The following PIP4K2A variants were observed in gnomAD, a reference collection of about 807,000 sequenced individuals.
PIP4K2A encodes phosphatidylinositol-5-phosphate 4-kinase type 2 alpha, also known as phosphatidylinositol 5-phosphate 4-kinase type-2 alpha.
In PIP4K2A, 14 loss-of-function variants were observed where a neutral mutation model predicts 42.9. The ratio of observed to expected loss-of-function variants is 0.33; its 90% CI spans 0.22 to 0.51. The LOEUF (loss-of-function observed/expected upper bound fraction) is 0.51. Among genes scored for constraint, PIP4K2A ranks in the 20% least tolerant of loss-of-function variants. PIP4K2A has a pLI of 0.97. For missense variants in PIP4K2A, 434 were observed against 519.8 expected, an observed-to-expected ratio of 0.83 and a Z score of 1.61; for synonymous variants, 192 against 192.2, an observed-to-expected ratio of 1.00 and a Z score of 0.01.
intron 1 of PIP4K2A, among the ~76,000 whole-genome samples, chr10:22,622,462 T>C (rs1490632660): frequency 6.6e-6 from 1 of 152,232 alleles, no homozygotes; most frequent in Non-Finnish European, 1.5e-5. Context: ...CCAGTTACCA[T>C]CTGTGCTCTG....
intron 1 of PIP4K2A, among the ~76,000 whole-genome samples, chr10:22,642,515 T>C (rs1564452926): frequency 1.3e-5 from 2 of 152,010 alleles, no homozygotes; most frequent in Non-Finnish European, 2.9e-5. Flanking sequence ...TATATATTCT[T>C]AAATTAGGAG....
intron 1 of PIP4K2A, among the ~76,000 whole-genome samples, chr10:22,682,780 A>G (rs755044682): frequency 1.8e-4 from 27 of 152,220 alleles, no homozygotes; most frequent in Admixed American, 3.3e-4. Flanking sequence ...AGGGAGAACT[A>G]GAACCTGAGG....
At position 22,667,525 on chromosome 10, in the gene PIP4K2A, C is replaced by T. The variant is rs79091184; in HGVS notation, c.144+46658G>A. Among the ~76,000 whole-genome samples, 324 of 152,190 alleles carry T rather than the reference C, an allele frequency of 2.1e-3. 4 individuals carry two copies. The highest frequency in any genetic ancestry group is 7.4e-3 in the African/African-American group (309 of 41,526). On this transcript the variant is annotated intron_variant, in intron 1 of 9. Transcript: ENST00000376573. Reference sequence around the variant, plus strand: ...ACTCATTCTTCAACAAACTGAAGATCACTTATAAAATCGATAATCGTAAAA... The same window carrying T: ...ACTCATTCTTCAACAAACTGAAGATTACTTATAAAATCGATAATCGTAAAA...
At chr10:22,679,413 A>G (rs961007672) in intron 1 of PIP4K2A, among the ~76,000 whole-genome samples, 4 of 152,240 alleles carry the variant, frequency 2.6e-5, no homozygotes, top group Non-Finnish European at 5.9e-5. Context: ...AGGACAGACA[A>G]TATCAAGTAT....
At chr10:22,700,017 C>A (rs1179485917) in intron 1 of PIP4K2A, among the ~76,000 whole-genome samples, 1 of 152,186 alleles carries the variant, frequency 6.6e-6, no homozygotes, top group African/African-American at 2.4e-5. Context: ...CTAAGTTACA[C>A]AGACTAGGAG....
intron 1 of PIP4K2A, among the ~76,000 whole-genome samples, chr10:22,642,236 C>T (rs1838796302): frequency 6.6e-6 from 1 of 152,180 alleles, no homozygotes; most frequent in African/African-American, 2.4e-5. Context: ...TCTCTTTCTG[C>T]TTAGTCTGAA....
intron 1 of PIP4K2A, among the ~76,000 whole-genome samples, chr10:22,694,965 T>C (rs1278568448): frequency 1.3e-5 from 2 of 152,220 alleles, no homozygotes; most frequent in Admixed American, 1.3e-4. Flanking sequence ...AATCACCAGT[T>C]AGAAAGCACA....
At chr10:22,613,032 A>G (rs114878671) in intron 1 of PIP4K2A, among the ~76,000 whole-genome samples, 2,400 of 152,262 alleles carry the variant, frequency 0.016, 62 homozygotes, top group African/African-American at 0.055. Flanking sequence ...AGGATGAGAA[A>G]GGGGAAAACT....
intron 1 of PIP4K2A, among the ~76,000 whole-genome samples, chr10:22,643,597 C>A (rs910071221): frequency 6.6e-6 from 1 of 152,140 alleles, no homozygotes; most frequent in African/African-American, 2.4e-5. Context: ...GCCCCCAAAT[C>A]CCTCCATGGG....
chr10:22,557,302 C>G (rs1268278748), intron 6 of PIP4K2A, among the ~76,000 whole-genome samples: 2 of 152,164 alleles, frequency 1.3e-5, no homozygotes, highest in Admixed American at 1.3e-4. Flanking sequence ...CTTCCCAGAA[C>G]TGATAAAAAG....
intron 1 of PIP4K2A, among the ~76,000 whole-genome samples, chr10:22,664,762 A>G (rs1289465687): frequency 6.6e-6 from 1 of 152,182 alleles, no homozygotes; most frequent in African/African-American, 2.4e-5. Context: ...CCACAGAGCC[A>G]CAGACATCTT....
At chr10:22,673,863 G>A (rs1443281238) in intron 1 of PIP4K2A, among the ~76,000 whole-genome samples, 3 of 152,052 alleles carry the variant, frequency 2.0e-5, no homozygotes, top group Admixed American at 6.5e-5. Context: ...ACACTGGATG[G>A]CACTCATTTC....
At position 22,579,014 on chromosome 10, in the gene PIP4K2A, GA is replaced by G. The variant is rs1416325818; in HGVS notation, c.493-5558del. On this transcript the variant is annotated intron_variant, in intron 4 of 9. Transcript: ENST00000376573. The stretch of plus-strand genomic sequence containing the variant: ...AAAACCTGTCATTTATGATGAAAGG[GA>G]AGCCCCAGATTTTTCTCACGATGGC... Among the ~76,000 whole-genome samples, 3 of 152,198 alleles carry G rather than the reference GA, an allele frequency of 2.0e-5. No individual in the cohort carries two copies. The East Asian group carries it at 5.8e-4, about 29-fold the overall frequency.
At chr10:22,572,228 C>T (rs779087626) in intron 5 of PIP4K2A, among the ~76,000 whole-genome samples, 5 of 152,142 alleles carry the variant, frequency 3.3e-5, no homozygotes, top group African/African-American at 4.8e-5. Context: ...ATGGTCTCTG[C>T]GGTAACTACC....
Position 22,554,923 on chromosome 10 carries a change from A to C in PIP4K2A, c.679-4151T>G, listed in dbSNP as rs185826859. Among the ~76,000 whole-genome samples the C allele has an allele frequency of 3.7e-3, 566 of 152,308 alleles. 1 individual carries two copies. The highest frequency in any genetic ancestry group is 6.6e-3 in the South Asian group (32 of 4,828). On this transcript the variant is annotated intron_variant, in intron 6 of 9. Transcript: ENST00000376573. ...CGTGAGTAAATACAGCCCAACGCAGAGCCAGGCTAGCACAGGCAGGGCTGT... is the reference window on the plus strand; with the variant it reads ...CGTGAGTAAATACAGCCCAACGCAGCGCCAGGCTAGCACAGGCAGGGCTGT...
intron 1 of PIP4K2A, chr10:22,662,013 C>T (rs1839213773): frequency 6.6e-6 from 1 of 152,132 alleles, no homozygotes; most frequent in East Asian, 1.9e-4. Flanking sequence ...CAAAACAACA[C>T]CCTTGATCAT....
chr10:22,556,972 C>G (rs549497880), intron 6 of PIP4K2A, among the ~76,000 whole-genome samples: 1 of 152,202 alleles, frequency 6.6e-6, no homozygotes, highest in African/African-American at 2.4e-5. Context: ...CATTAAGACA[C>G]AACATGAATG....
chr10:22,617,332 A>G (rs1361840016), intron 1 of PIP4K2A, among the ~76,000 whole-genome samples: 1 of 152,264 alleles, frequency 6.6e-6, no homozygotes, highest in Non-Finnish European at 1.5e-5. Flanking sequence ...AACGGTTCTG[A>G]AATTACGGCA....
At chr10:22,576,178 G>A (rs1035969545) in intron 4 of PIP4K2A, among the ~76,000 whole-genome samples, 3 of 152,120 alleles carry the variant, frequency 2.0e-5, no homozygotes, top group African/African-American at 7.2e-5. Flanking sequence ...TTTTGCAGTA[G>A]AGAAAATTAT....
Sources: allele counts gnomAD v4.1 joint callset (sites outside exome capture counted in the v4.1 genomes callset), GRCh38; gene constraint gnomAD v4.1.1; transcripts MANE v1.5; gene names NCBI Gene and HGNC (gene_info 2026-07-23, HGNC 2026-07-21).